CACNB1: variants seen among roughly 807,000 people sequenced by gnomAD.
CACNB1 encodes calcium voltage-gated channel auxiliary subunit beta 1.
A neutral mutation model predicts 71.6 loss-of-function variants in CACNB1; 29 were observed. The ratio of observed to expected loss-of-function variants is 0.40; its 90% confidence interval spans 0.30 to 0.55. CACNB1 has a LOEUF of 0.55. Ranked by LOEUF, CACNB1 falls within the 20% of genes least tolerant of loss-of-function variation. The pLI, the probability that CACNB1 is intolerant of heterozygous loss-of-function variation, is 0.38. For missense variants in CACNB1, 623 were observed against 801.8 expected, an observed-to-expected ratio of 0.78 and a Z score of 2.69; for synonymous variants, 300 against 319.6, an observed-to-expected ratio of 0.94 and a Z score of 0.65.
In CACNB1 at chr17:39,194,759, G is replaced by A. The variant is rs945097366; in HGVS notation, c.171+125C>T. 2.5e-5 allele frequency: 16 copies of A among 647,772 alleles called. No homozygotes were observed. The Admixed American group carries it at 4.0e-4, about 16-fold the overall frequency. The allele number at this position is 647,772 out of a possible 1,614,324, so 40.1% of individuals were successfully genotyped here. A position where few individuals can be genotyped will look rare whatever the true frequency, so the allele number is the denominator to read the frequency against. ...GGTCATGGGGTGTCAGGGTGATGGG[G>A]TGGCTCCAGGCAGGTGACAAATGGC... On this transcript the variant is annotated intron_variant, in intron 2 of 13. Transcript: ENST00000394303. This position sits in a 1 kb window ranked among gnomAD's most constrained non-coding sequence, Gnocchi z 4.6.
In CACNB1 at chr17:39,186,617, C is replaced by T. The variant is rs374394544; in HGVS notation, c.552-45G>A. The T allele has an allele frequency of 3.3e-4, 523 of 1,561,708 alleles. 6 individuals carry two copies. Among genetic ancestry groups the T allele is most frequent in the East Asian group, 2.6e-3 (114 of 44,574 alleles). ...CCGAGCTTGTGAGCAAAGAGGTGGGCGTGGGGGGCTCTCATCCTCTCACAT... is the reference window on the plus strand; with the variant it reads ...CCGAGCTTGTGAGCAAAGAGGTGGGTGTGGGGGGCTCTCATCCTCTCACAT... On this transcript the variant is annotated intron_variant, in intron 5 of 13. Transcript: ENST00000394303. The surrounding 1 kb of genome is among the most constrained non-coding windows in gnomAD (Gnocchi z 4.1).
At chr17:39,189,954 T>C (rs1421993574) in intron 3 of CACNB1, among the ~76,000 whole-genome samples, 2 of 144,080 alleles carry the variant, frequency 1.4e-5, no homozygotes, top group Non-Finnish European at 3.0e-5. Flanking sequence ...CTACTAAAAA[T>C]ACAAAAAAAA....
chr17:39,181,631 G>C (rs1452368790), intron 11 of CACNB1, among the ~76,000 whole-genome samples: 1 of 152,134 alleles, frequency 6.6e-6, no homozygotes, highest in East Asian at 1.9e-4. Flanking sequence ...CAGTGTTTTT[G>C]CATCCATTAT....
rs372246054 is a variant in CACNB1, at chr17:39,175,671, G to A, written c.1333-14C>T. On this transcript the variant is annotated splice_polypyrimidine_tract_variant and intron_variant, in intron 13 of 13. Transcript: ENST00000394303. This position sits in a 1 kb window ranked among gnomAD's most constrained non-coding sequence, Gnocchi z 4.7. ...AAGGTAGGGTCCCTGGTTAGCAGAC[G>A]GACAGCACACACCATGCAGATCAGG... 3.7e-5 allele frequency: 56 copies of A among 1,533,198 alleles called. No individual in the cohort carries two copies. The highest frequency in any genetic ancestry group is 5.9e-5 in the Admixed American group (3 of 50,810). 95.0% of individuals were successfully genotyped at this position (1,533,198 alleles called of 1,614,324 possible).
chr17:39,186,996 C>A lies in CACNB1; in HGVS notation c.415-67G>T. On this transcript the variant is annotated intron_variant, in intron 4 of 13. Transcript: ENST00000394303. This position sits in a 1 kb window ranked among gnomAD's most constrained non-coding sequence, Gnocchi z 4.1. ...AACTGCAGGGGCAAGCTAGCAGTCA[C>A]TCTCTAGGGGAAACGCCCAGACTCA... 6.4e-7 allele frequency: 1 copy of A among 1,568,916 alleles called. No homozygotes were observed. Among genetic ancestry groups the A allele is most frequent in the Non-Finnish European group, 8.7e-7 (1 of 1,143,444 alleles).
intron 3 of CACNB1, among the ~76,000 whole-genome samples, chr17:39,188,555 CAG>C (rs2045997614): frequency 6.6e-6 from 1 of 151,000 alleles, no homozygotes; most frequent in Admixed American, 6.6e-5. Context: ...GCATGGATGA[CAG>C]AGTGAGACTC....
chr17:39,178,662 C>T lies in CACNB1; in HGVS notation c.1051-583G>A, dbSNP rs540393022. ...CCTCTCAAAGTGCTGGGATTATAGG[C>T]GTGAGTCACTGAGCCCAGCCACACC... On this transcript the variant is annotated intron_variant, in intron 11 of 13. Transcript: ENST00000394303. Among the ~76,000 whole-genome samples the T allele has an allele frequency of 9.3e-4, 142 of 152,112 alleles. 1 individual carries two copies. Among genetic ancestry groups the T allele is most frequent in the African/African-American group, 3.2e-3 (131 of 41,494 alleles).
chr17:39,191,665 G>A (rs1317839567), intron 2 of CACNB1, 72 bp from the exon 3 acceptor site: 6 of 1,525,992 alleles, frequency 3.9e-6, no homozygotes, highest in Admixed American at 2.1e-5. Context: ...AGGCATGGAG[G>A]TGCCACCCAT....
chr17:39,195,525 G>A (rs1179969509), intron 1 of CACNB1, among the ~76,000 whole-genome samples: 6 of 152,148 alleles, frequency 3.9e-5, no homozygotes, highest in African/African-American at 1.2e-4. Context: ...AGTAGGGAGG[G>A]GATGACAGCT....
intron 11 of CACNB1, 32 bp from the exon 12 acceptor site, chr17:39,178,111 C>A (rs374604610): frequency 4.6e-6 from 7 of 1,537,058 alleles, no homozygotes; most frequent in African/African-American, 1.4e-5. Flanking sequence ...GGAAGAGGAG[C>A]TAGAGGGACT....
intron 1 of CACNB1, among the ~76,000 whole-genome samples, chr17:39,195,632 G>T (rs879398402): frequency 6.6e-6 from 1 of 152,118 alleles, no homozygotes; most frequent in Non-Finnish European, 1.5e-5. Context: ...GCACCATGGG[G>T]GCAAATTTTG....
intron 11 of CACNB1, among the ~76,000 whole-genome samples, chr17:39,179,064 C>A (rs181586954): frequency 6.6e-6 from 1 of 150,576 alleles, no homozygotes; most frequent in East Asian, 2.0e-4. Flanking sequence ...GAGGCCAAGG[C>A]GGGCAGATCT....
chr17:39,192,426 T>G, intron 2 of CACNB1: 1 of 152,402 alleles, frequency 6.6e-6, no homozygotes, highest in East Asian at 1.9e-4. Context: ...TGCACGTGCT[T>G]CTTCATGTGT....
At position 39,186,988 on chromosome 17, in the gene CACNB1, A is replaced by G; in HGVS notation, c.415-59T>C. 6.3e-7 allele frequency: 1 copy of G among 1,583,222 alleles called. No homozygotes were observed. The highest frequency in any genetic ancestry group is 1.1e-5 in the South Asian group (1 of 89,648). On this transcript the variant is annotated intron_variant, in intron 4 of 13. Coordinates refer to ENST00000394303, the MANE Select transcript of CACNB1 (RefSeq NM_000723.5). This position sits in a 1 kb window ranked among gnomAD's most constrained non-coding sequence, Gnocchi z 4.1. ...AAGAGGGAAACTGCAGGGGCAAGCT[A>G]GCAGTCACTCTCTAGGGGAAACGCC...
intron 3 of CACNB1, among the ~76,000 whole-genome samples, chr17:39,189,807 G>T (rs980540513): frequency 6.6e-6 from 1 of 151,204 alleles, no homozygotes; most frequent in Non-Finnish European, 1.5e-5. Flanking sequence ...CAGCCCTGTC[G>T]GTTTTTAAAA....
intron 12 of CACNB1, 141 bp downstream of exon 12, chr17:39,177,843 C>A (rs1011168893): frequency 1.4e-5 from 10 of 709,292 alleles, no homozygotes; most frequent in Admixed American, 2.2e-5. Flanking sequence ...ACGGGACCTG[C>A]GCTCTTCCCA....
At chr17:39,184,504 G>A (rs552705956) in intron 8 of CACNB1, 121 bp from the exon 9 acceptor site, 44 of 675,644 alleles carry the variant, frequency 6.5e-5, no homozygotes, top group African/African-American at 4.1e-4. Context: ...AGGCCTTTAC[G>A]GCGGGCGGGG....
chr17:39,191,693 C>T, intron 2 of CACNB1, 100 bp from the exon 3 acceptor site: 1 of 1,197,318 alleles, frequency 8.4e-7, no homozygotes, highest in Non-Finnish European at 1.2e-6. Context: ...GCCTCGAGCC[C>T]CAGCCAGCCC....
intron 9 of CACNB1, 52 bp downstream of exon 9, chr17:39,184,273 C>T (rs2045871525): frequency 7.4e-7 from 1 of 1,349,320 alleles, no homozygotes; most frequent in Non-Finnish European, 1.0e-6. Context: ...CCTGCCCATC[C>T]CCAGCAGCAG....
Sources: allele counts gnomAD v4.1 joint callset (sites outside exome capture counted in the v4.1 genomes callset), GRCh38; gene constraint gnomAD v4.1.1; non-coding constraint Gnocchi (gnomAD v3.1); transcripts MANE v1.5; gene names NCBI Gene and HGNC (gene_info 2026-07-23, HGNC 2026-07-21).